Variants in ABTB2 observed in about 807,000 individuals in gnomAD.
ABTB2 encodes the protein ankyrin repeat and BTB/POZ domain-containing protein 2.
ABTB2 carries 56 observed loss-of-function variants against 104.1 expected under a neutral mutation model. That is an observed-to-expected ratio of 0.54 (90% CI 0.43 to 0.67). The LOEUF (loss-of-function observed/expected upper bound fraction) is 0.67. ABTB2 is among the 30% of genes least tolerant of loss of function. ABTB2 has a pLI of 0.00. For missense variants in ABTB2, 1,279 were observed against 1,407.7 expected (o/e 0.91, Z 1.46); for synonymous variants, 606 against 608.2 (o/e 1.00, Z 0.05).
intron 1 of ABTB2, among the ~76,000 whole-genome samples, chr11:34,282,588 G>T (rs1854459522): frequency 6.7e-6 from 1 of 149,120 alleles, no homozygotes; most frequent in South Asian, 2.2e-4. Context: ...GTGCAGTGGC[G>T]CAATCTTGGC....
intron 1 of ABTB2, among the ~76,000 whole-genome samples, chr11:34,210,912 C>G (rs1271942313): frequency 6.6e-6 from 1 of 152,178 alleles, no homozygotes; most frequent in East Asian, 1.9e-4. Context: ...GAACGGTTTC[C>G]AAATAGCCCA....
At chr11:34,168,514 A>T (rs1045632208) in intron 5 of ABTB2, among the ~76,000 whole-genome samples, 11 of 152,176 alleles carry the variant, frequency 7.2e-5, no homozygotes, top group Non-Finnish European at 1.2e-4. Context: ...TGTGCATGGA[A>T]ATCACCCTGC....
At chr11:34,315,877 T>C (rs907701680) in intron 1 of ABTB2, among the ~76,000 whole-genome samples, 2 of 152,214 alleles carry the variant, frequency 1.3e-5, no homozygotes, top group African/African-American at 4.8e-5. Flanking sequence ...GTGCCAGGCA[T>C]CTACCCCTCA....
At chr11:34,234,897 G>A (rs987467502) in intron 1 of ABTB2, among the ~76,000 whole-genome samples, 2 of 152,054 alleles carry the variant, frequency 1.3e-5, no homozygotes, top group South Asian at 4.2e-4. Context: ...TCGCTCCTTC[G>A]CCCAGGCTGG....
rs535104414 is a variant in ABTB2 at position 34,296,591 on chromosome 11, T to C, written c.883+60110A>G. Among the ~76,000 whole-genome samples, 3 of 152,184 alleles carry C rather than the reference T, an allele frequency of 2.0e-5. 1 individual carries two copies. In the East Asian group the frequency reaches 5.8e-4, roughly 29 times the overall value. ...CCAGTGTGCCCTGTGGATGTTGACA[T>C]TGCCAAGAATGAGGTGGGAGTTGTG... On this transcript the variant is annotated intron_variant, in intron 1 of 16. Coordinates refer to ENST00000435224, the MANE Select transcript of ABTB2 (RefSeq NM_145804.3).
intron 1 of ABTB2, among the ~76,000 whole-genome samples, chr11:34,236,763 C>T (rs115430620): frequency 6.6e-5 from 10 of 152,146 alleles, no homozygotes; most frequent in East Asian, 5.8e-4. Context: ...TAAACGAAAT[C>T]GCATCAGCCG....
In ABTB2 at chr11:34,259,968, C is replaced by T. The variant is rs984887972; in HGVS notation, c.884-55278G>A. On this transcript the variant is annotated intron_variant, in intron 1 of 16. Transcript: ENST00000435224. ...CACAGGTGCACACCACCACACTTGG[C>T]TAATTTTTTATTGTATTTTTTCTAG... Among the ~76,000 whole-genome samples, 7 of 152,258 alleles carry T rather than the reference C, an allele frequency of 4.6e-5. No individual in the cohort carries two copies. The East Asian group carries it at 1.4e-3, about 29-fold the overall frequency.
intron 1 of ABTB2, among the ~76,000 whole-genome samples, chr11:34,221,489 T>G (rs904223615): frequency 6.6e-6 from 1 of 152,176 alleles, no homozygotes. Flanking sequence ...ATTCCCCAAG[T>G]TTCCAAGGAG....
intron 1 of ABTB2, among the ~76,000 whole-genome samples, chr11:34,207,306 C>T (rs1219259123): frequency 1.3e-5 from 2 of 152,164 alleles, no homozygotes; most frequent in African/African-American, 2.4e-5. Flanking sequence ...TCAAAGGATT[C>T]CCAGAGAGAA....
intron 3 of ABTB2, among the ~76,000 whole-genome samples, chr11:34,194,141 A>G (rs1853217529): frequency 1.3e-5 from 2 of 152,328 alleles, no homozygotes; most frequent in South Asian, 4.1e-4. Flanking sequence ...AAGCAGAAAT[A>G]TGAGGACAGA....
chr11:34,238,564 A>G (rs1192088146), intron 1 of ABTB2, among the ~76,000 whole-genome samples: 3 of 152,132 alleles, frequency 2.0e-5, no homozygotes, highest in African/African-American at 7.2e-5. Flanking sequence ...ACAAATACCA[A>G]TCCGGTACCT....
chr11:34,273,849 T>C (rs1286450330), intron 1 of ABTB2, among the ~76,000 whole-genome samples: 3 of 152,126 alleles, frequency 2.0e-5, no homozygotes. Context: ...AGTGAGACCC[T>C]GCCTCAAAAA....
chr11:34,161,077 G>C lies in ABTB2; in HGVS notation c.2223C>G (p.Val741=), dbSNP rs1227468938. 2.5e-6 allele frequency: 4 copies of C among 1,606,022 alleles called. No homozygotes were observed. The highest frequency in any genetic ancestry group is 3.4e-6 in the Non-Finnish European group (4 of 1,175,694). The change falls in exon 11 of 17, where the codon GTC becomes GTG. Residue 741 remains valine, a synonymous_variant. Transcript: ENST00000435224. Reference sequence around the variant, plus strand: ...CGATCCAGATGTGCAGCTTCCAGGGGACTCCTGGTCCAGGCAGGGAAGGGC... The same window carrying C: ...CGATCCAGATGTGCAGCTTCCAGGGCACTCCTGGTCCAGGCAGGGAAGGGC... The part of the protein sequence containing the change: ...DITMELRALG[V]PWKLHIWIES...
chr11:34,300,551 G>T (rs1026722378), intron 1 of ABTB2, among the ~76,000 whole-genome samples: 4 of 152,184 alleles, frequency 2.6e-5, no homozygotes, highest in African/African-American at 9.7e-5. Flanking sequence ...TCTACAGCAT[G>T]GCAAGAGCTA....
At chr11:34,176,020 G>A (rs765903954) in intron 3 of ABTB2, among the ~76,000 whole-genome samples, 6 of 152,276 alleles carry the variant, frequency 3.9e-5, no homozygotes, top group East Asian at 1.9e-4. Context: ...GGTGGCTCAC[G>A]CCTGTAATCC....
In ABTB2 at chr11:34,248,219, C is replaced by T. The variant is rs562885466; in HGVS notation, c.884-43529G>A. Among the ~76,000 whole-genome samples the T allele has an allele frequency of 9.9e-5, 15 of 151,906 alleles. No individual in the cohort carries two copies. The East Asian group carries it at 2.7e-3, about 27-fold the overall frequency. The stretch of plus-strand genomic sequence containing the variant: ...AGTGATCCTCCCACCTTAGCCTCTC[C>T]AGTAGCTAGGGGAGGCTTGCACCAT... On this transcript the variant is annotated intron_variant, in intron 1 of 16. Transcript: ENST00000435224.
intron 1 of ABTB2, among the ~76,000 whole-genome samples, chr11:34,298,370 A>G (rs1459961661): frequency 6.6e-6 from 1 of 151,708 alleles, no homozygotes; most frequent in Non-Finnish European, 1.5e-5. Flanking sequence ...CAAAAAAGTT[A>G]TAGAAAGAAA....
rs183616346 is a variant in ABTB2, at chr11:34,195,597, T to G, written c.1244+1728A>C. 8.4e-4 allele frequency among the ~76,000 whole-genome samples: 128 copies of G among 152,352 alleles called. 1 individual carries two copies. The East Asian group carries it at 0.023, about 27-fold the overall frequency. ...TGTACTGGGCCACTGCTGTTTTATATTCCTCTTAGTGACAGGAGGTACAGT... is the reference window on the plus strand; with the variant it reads ...TGTACTGGGCCACTGCTGTTTTATAGTCCTCTTAGTGACAGGAGGTACAGT... On this transcript the variant is annotated intron_variant, in intron 3 of 16. Coordinates refer to ENST00000435224, the MANE Select transcript of ABTB2 (RefSeq NM_145804.3).
In ABTB2 at chr11:34,197,337, A is replaced by G; in HGVS notation, c.1232T>C (p.Leu411Ser). The G allele has an allele frequency of 6.2e-7, 1 of 1,613,832 alleles. No homozygotes were observed. The highest frequency in any genetic ancestry group is 1.3e-5 in the African/African-American group (1 of 74,916). ...GGAAGATCCCTACCGTTCATTGTTC[A>G]AGGTCATTCTCGGGGGGTCCAGGTT... ...NPNLDPPRMT[L>S]NNERPFMLLP... Residue 411 changes from leucine to serine, a missense_variant, in exon 3 of 17, where the codon TTG becomes TCG. By Grantham distance (145) the Leu-to-Ser change is moderately radical. Coordinates refer to ENST00000435224, the MANE Select transcript of ABTB2 (RefSeq NM_145804.3).
Sources: allele counts gnomAD v4.1 joint callset (sites outside exome capture counted in the v4.1 genomes callset), GRCh38; gene constraint gnomAD v4.1.1; transcripts MANE v1.5; gene names NCBI Gene and HGNC (gene_info 2026-07-23, HGNC 2026-07-21).